Variants in RYR3 observed in about 807,000 individuals in gnomAD.
RYR3 encodes the protein ryanodine receptor 3, also known as brain ryanodine receptor-calcium release channel.
Under a neutral mutation model 584.3 loss-of-function variants are expected in RYR3, and 207 were observed. That is an observed-to-expected ratio of 0.35 (90% CI 0.32 to 0.40). The LOEUF is 0.40. Ranked by LOEUF, RYR3 falls within the 10% of genes least tolerant of loss-of-function variation. RYR3 has a pLI of 1.00. For missense variants in RYR3, 5,616 were observed against 6,089.2 expected, an observed-to-expected ratio of 0.92 and a Z score of 2.59; for synonymous variants, 2,416 against 2,248.5, an observed-to-expected ratio of 1.07 and a Z score of -2.11.
At position 33,865,332 on chromosome 15, in the gene RYR3, G is replaced by T; in HGVS notation, c.*106G>T. On this transcript the variant is annotated 3_prime_UTR_variant, in exon 104 of 104. Transcript: ENST00000634891. Reference sequence around the variant, plus strand: ...ATCTGAAATGTGACATTTTCTAAATGCCTCCCTTAAAAAAAAAACTGCTGA... The same window carrying T: ...ATCTGAAATGTGACATTTTCTAAATTCCTCCCTTAAAAAAAAAACTGCTGA... The T allele has an allele frequency of 1.3e-6, 1 of 781,802 alleles. No homozygotes were observed. The highest frequency in any genetic ancestry group is 2.0e-6 in the Non-Finnish European group (1 of 492,364). 48.4% of individuals were successfully genotyped at this position (781,802 alleles called of 1,614,324 possible).
intron 74 of RYR3, among the ~76,000 whole-genome samples, chr15:33,814,258 G>A (rs149039394): frequency 6.6e-6 from 1 of 152,222 alleles, no homozygotes; most frequent in East Asian, 1.9e-4. Flanking sequence ...TTGGTGATGT[G>A]GTGACATTCC....
At chr15:33,622,850 G>A (rs975602233) in intron 19 of RYR3, among the ~76,000 whole-genome samples, 7 of 152,132 alleles carry the variant, frequency 4.6e-5, no homozygotes, top group South Asian at 2.1e-4. Context: ...ACCTGGGATC[G>A]TATGAAGTAT....
At chr15:33,706,146 A>T (rs8026542) in intron 42 of RYR3, among the ~76,000 whole-genome samples, 17,545 of 152,234 alleles carry the variant, frequency 0.12, 2,439 homozygotes, top group African/African-American at 0.34. Context: ...TATAAAAAAA[A>T]AAATAAAAAC....
intron 1 of RYR3, among the ~76,000 whole-genome samples, chr15:33,427,831 T>C (rs375032684): frequency 2.4e-4 from 36 of 152,328 alleles, no homozygotes; most frequent in African/African-American, 8.4e-4. Context: ...CTGTATCTCT[T>C]TTCCCCCATT....
At chr15:33,652,695 C>G in intron 31 of RYR3, 23 bp from the exon 32 acceptor site, 1 of 1,610,150 alleles carries the variant, frequency 6.2e-7, no homozygotes, top group Non-Finnish European at 8.5e-7. Flanking sequence ...AGATTCTGTG[C>G]CTTTTCCTGT....
intron 1 of RYR3, among the ~76,000 whole-genome samples, chr15:33,378,363 C>T (rs905825921): frequency 2.0e-4 from 30 of 152,290 alleles, no homozygotes; most frequent in Middle Eastern, 3.4e-3. Flanking sequence ...TTAAACTTAA[C>T]AGTGTTGCTT....
chr15:33,603,936 G>A (rs566038359), intron 18 of RYR3, among the ~76,000 whole-genome samples: 1 of 152,246 alleles, frequency 6.6e-6, no homozygotes, highest in African/African-American at 2.4e-5. Flanking sequence ...AACGAATTCA[G>A]GGCTTCCTTT....
chr15:33,434,148 TATC>T (rs2045452929), intron 1 of RYR3, among the ~76,000 whole-genome samples: 1 of 152,212 alleles, frequency 6.6e-6, no homozygotes, highest in African/African-American at 2.4e-5. Context: ...TAGTTGATGA[TATC>T]ATCAAGGTCT....
chr15:33,602,790 G>GGCT (rs1883295220), intron 17 of RYR3, among the ~76,000 whole-genome samples: 1 of 134,634 alleles, frequency 7.4e-6, no homozygotes, highest in African/African-American at 2.8e-5. Flanking sequence ...CTGCTGCCCA[G>GGCT]GCTGGAGTGC....
chr15:33,336,315 C>T (rs566631853), intron 1 of RYR3, among the ~76,000 whole-genome samples: 12 of 151,412 alleles, frequency 7.9e-5, no homozygotes, highest in African/African-American at 2.7e-4. Context: ...GCTTGTAATC[C>T]CAGTTACTCG....
intron 1 of RYR3, among the ~76,000 whole-genome samples, chr15:33,440,083 C>T (rs1384359637): frequency 6.6e-6 from 1 of 152,034 alleles, no homozygotes; most frequent in Non-Finnish European, 1.5e-5. Context: ...AGCCTAGGAG[C>T]TCAAGACCAG....
chr15:33,397,936 G>A (rs2042397337), intron 1 of RYR3, among the ~76,000 whole-genome samples: 2 of 151,992 alleles, frequency 1.3e-5, no homozygotes, highest in African/African-American at 4.8e-5. Context: ...TTTTTTTCTG[G>A]GCTCCCTTTG....
intron 1 of RYR3, among the ~76,000 whole-genome samples, chr15:33,419,348 G>T (rs958812739): frequency 2.0e-5 from 3 of 152,092 alleles, no homozygotes; most frequent in Non-Finnish European, 2.9e-5. Context: ...GTTCCTACTT[G>T]CAGTTGACTT....
chr15:33,743,888 C>T (rs2070418675), intron 52 of RYR3, among the ~76,000 whole-genome samples: 1 of 152,166 alleles, frequency 6.6e-6, no homozygotes, highest in Admixed American at 6.5e-5. Context: ...TCCTACCCAG[C>T]CCCTCTCCTT....
Position 33,807,404 on chromosome 15 carries a change from A to G in RYR3, c.10012-151A>G, listed in dbSNP as rs145301163. 9.0e-6 allele frequency: 7 copies of G among 780,206 alleles called. No homozygotes were observed. In the East Asian group the frequency reaches 1.6e-4, roughly 18 times the overall value. The allele number at this position is 780,206 out of a possible 1,614,324, so 48.3% of individuals were successfully genotyped here. A position where few individuals can be genotyped will look rare whatever the true frequency, so the allele number is the denominator to read the frequency against. On this transcript the variant is annotated intron_variant, in intron 69 of 103. Coordinates refer to ENST00000634891, the MANE Select transcript of RYR3 (RefSeq NM_001036.6). ...CCACTCACTCTTCATGCTATGCTCA[A>G]CTGGCTTCCAGAACCATTGAGTTTC...
chr15:33,399,510 C>T (rs1453561982), intron 1 of RYR3, among the ~76,000 whole-genome samples: 2 of 152,062 alleles, frequency 1.3e-5, no homozygotes, highest in Non-Finnish European at 2.9e-5. Context: ...TGGTGGCCGG[C>T]GCCTGTATTC....
rs1027092160 is a variant in RYR3 at position 33,850,546 on chromosome 15, A to C, written c.13628+2125A>C. 7 of 150,244 alleles carry C rather than the reference A, an allele frequency of 4.7e-5. 1 individual carries two copies. The highest frequency in any genetic ancestry group is 4.6e-4 in the Admixed American group (7 of 15,128). The allele number at this position is 150,244 out of a possible 1,614,324, so 9.3% of individuals were successfully genotyped here. On this transcript the variant is annotated intron_variant, in intron 94 of 103. Coordinates refer to ENST00000634891, the MANE Select transcript of RYR3 (RefSeq NM_001036.6). ...GCATAAATAAATAGCTATTTTTTAA[A>C]ATGTTAGATAGACCAATGTTTAATT... is the stretch of plus-strand genomic sequence containing the variant.
At chr15:33,540,065 G>A (rs1001882946) in intron 6 of RYR3, among the ~76,000 whole-genome samples, 2 of 152,104 alleles carry the variant, frequency 1.3e-5, no homozygotes, top group African/African-American at 4.8e-5. Context: ...CGTGATCATG[G>A]TGTCCGGAAC....
At chr15:33,484,168 T>A (rs573340096) in intron 2 of RYR3, among the ~76,000 whole-genome samples, 1 of 151,968 alleles carries the variant, frequency 6.6e-6, no homozygotes, top group East Asian at 1.9e-4. Context: ...GTTGAGTGTT[T>A]AAATGAAGAA....
Sources: gnomAD v4.1 joint callset for allele counts (sites outside exome capture counted in the v4.1 genomes callset) on GRCh38, gnomAD v4.1.1 for gene constraint, MANE v1.5 for transcripts, NCBI Gene and HGNC (gene_info 2026-07-23, HGNC 2026-07-21) for gene names.